MCF2L2: variants seen among roughly 807,000 people sequenced by gnomAD.
The protein encoded by MCF2L2 is MCF.2 cell line derived transforming sequence-like 2, also known as probable guanine nucleotide exchange factor MCF2L2.
In MCF2L2, 102 loss-of-function variants were observed where a neutral mutation model predicts 150.2. The ratio of observed to expected loss-of-function variants is 0.68; its 90% CI spans 0.58 to 0.80. The LOEUF (loss-of-function observed/expected upper bound fraction) is 0.80. MCF2L2 is among the 30% of genes least tolerant of loss of function. The pLI is 0.00. For missense variants in MCF2L2, 1,256 were observed against 1,372.8 expected (o/e 0.91, Z 1.34); for synonymous variants, 465 against 491.3 (o/e 0.95, Z 0.71).
intron 1 of MCF2L2, among the ~76,000 whole-genome samples, chr3:183,393,714 AAAT>A (rs1229730778): frequency 3.9e-5 from 6 of 152,340 alleles, no homozygotes; most frequent in South Asian, 4.1e-4. Flanking sequence ...TTACGCGATG[AAAT>A]AATAGTCCAG....
chr3:183,426,906 T>C (rs995188966), intron 1 of MCF2L2, among the ~76,000 whole-genome samples: 1 of 152,222 alleles, frequency 6.6e-6, no homozygotes, highest in African/African-American at 2.4e-5. Flanking sequence ...TCATTTGAGA[T>C]GTGCACGATT....
intron 14 of MCF2L2, among the ~76,000 whole-genome samples, chr3:183,285,811 C>T (rs1237454162): frequency 6.6e-6 from 1 of 152,098 alleles, no homozygotes; most frequent in Non-Finnish European, 1.5e-5. Context: ...ACTGCTAGCT[C>T]TTTCTTAATT....
intron 3 of MCF2L2, chr3:183,373,572 C>T (rs1424898284): frequency 1.3e-5 from 2 of 152,140 alleles, no homozygotes; most frequent in Non-Finnish European, 2.9e-5. Context: ...AATGTCTGTT[C>T]TGTCTCACCA....
intron 2 of MCF2L2, among the ~76,000 whole-genome samples, chr3:183,388,526 C>T (rs560727036): frequency 1.1e-3 from 163 of 152,194 alleles, no homozygotes; most frequent in Non-Finnish European, 2.0e-3. Flanking sequence ...CCACCGGCCT[C>T]GCAGAATAGA....
rs978818495 is a variant in MCF2L2 at position 183,267,203 on chromosome 3, A to G, written c.1862+9669T>C. ...TTCTTGCTCTTACTACTCTCAGTAC[A>G]CTCTGTATTTAAAAAAAAAAATGCT... On this transcript the variant is annotated intron_variant, in intron 15 of 29. Transcript: ENST00000328913. The surrounding 1 kb of genome is among the most constrained non-coding windows in gnomAD (Gnocchi z 5.5). 2.0e-5 allele frequency among the ~76,000 whole-genome samples: 3 copies of G among 151,424 alleles called. No individual in the cohort carries two copies. Among genetic ancestry groups the G allele is most frequent in the Admixed American group, 1.3e-4 (2 of 15,254 alleles).
At chr3:183,206,274 C>T in intron 23 of MCF2L2, 60 bp from the exon 24 acceptor site, 1 of 1,187,680 alleles carries the variant, frequency 8.4e-7, no homozygotes, top group South Asian at 1.2e-5. Flanking sequence ...TAAAATAGTC[C>T]CTGTCAATCA....
chr3:183,199,426 T>A (rs1722181496), intron 25 of MCF2L2, among the ~76,000 whole-genome samples: 1 of 151,948 alleles, frequency 6.6e-6, no homozygotes, highest in African/African-American at 2.4e-5. Flanking sequence ...CCACCAAATA[T>A]CCCTGCAAAC....
intron 10 of MCF2L2, among the ~76,000 whole-genome samples, chr3:183,301,451 C>T (rs1034269887): frequency 7.9e-5 from 12 of 152,156 alleles, no homozygotes; most frequent in African/African-American, 2.7e-4. Flanking sequence ...GTGAGACAGT[C>T]TCCCTGAGAA....
At chr3:183,298,559 G>A (rs1195231064) in intron 11 of MCF2L2, 2 of 152,008 alleles carry the variant, frequency 1.3e-5, no homozygotes, top group Non-Finnish European at 2.9e-5. Context: ...GGATATGTAC[G>A]TGCCCATGAG....
intron 15 of MCF2L2, among the ~76,000 whole-genome samples, chr3:183,264,808 A>C (rs1209580399): frequency 6.6e-6 from 1 of 152,230 alleles, no homozygotes; most frequent in Non-Finnish European, 1.5e-5. Context: ...TTTCCCAAAA[A>C]GTTTAAAGAG....
At chr3:183,198,204 A>T (rs903498396) in intron 25 of MCF2L2, among the ~76,000 whole-genome samples, 14 of 152,222 alleles carry the variant, frequency 9.2e-5, no homozygotes, top group African/African-American at 3.1e-4. Flanking sequence ...AAGTAAATGG[A>T]TAAAGAAAAC....
chr3:183,179,707 ACG>A lies in MCF2L2; in HGVS notation c.3106-17_3106-16del. ...AGGCCCGCGAGCTGGAAGGGAGGGGACGGGTGCACCCTCAGAGTTATTGCTGG... is the reference window on the plus strand; with the variant it reads ...AGGCCCGCGAGCTGGAAGGGAGGGGAGGTGCACCCTCAGAGTTATTGCTGG... On this transcript the variant is annotated splice_polypyrimidine_tract_variant and intron_variant, in intron 28 of 29. Coordinates refer to ENST00000328913, the MANE Select transcript of MCF2L2 (RefSeq NM_015078.4). This position sits in a 1 kb window ranked among gnomAD's most constrained non-coding sequence, Gnocchi z 4.2. The A allele has an allele frequency of 1.3e-6, 2 of 1,599,648 alleles. No homozygotes were observed. Among genetic ancestry groups the A allele is most frequent in the Non-Finnish European group, 1.7e-6 (2 of 1,167,172 alleles).
At chr3:183,414,156 ATTC>A in intron 1 of MCF2L2, among the ~76,000 whole-genome samples, 1 of 152,204 alleles carries the variant, frequency 6.6e-6, no homozygotes. Context: ...ATTGGTACGA[ATTC>A]TTCTTTAAAT....
At chr3:183,399,146 C>G (rs1714613396) in intron 1 of MCF2L2, among the ~76,000 whole-genome samples, 1 of 152,130 alleles carries the variant, frequency 6.6e-6, no homozygotes, top group Admixed American at 6.6e-5. Flanking sequence ...AACAAGTTGT[C>G]CTTCTCTAAG....
At chr3:183,348,528 C>T (rs1467365192) in intron 3 of MCF2L2, among the ~76,000 whole-genome samples, 2 of 151,950 alleles carry the variant, frequency 1.3e-5, no homozygotes, top group Non-Finnish European at 2.9e-5. Context: ...AACAAACCCG[C>T]TCATTCTGCA....
chr3:183,295,449 A>T lies in MCF2L2; in HGVS notation c.1526T>A (p.Leu509Gln). 1 of 1,614,098 alleles carries T rather than the reference A, an allele frequency of 6.2e-7. No homozygotes were observed. The highest frequency in any genetic ancestry group is 8.5e-7 in the Non-Finnish European group (1 of 1,179,998). Residue 509 changes from leucine to glutamine, a missense_variant, in exon 13 of 30, where the codon CTG becomes CAG. By Grantham distance (113) the Leu-to-Gln change is moderately radical. Transcript: ENST00000328913. ...GTGAAATATTTCCTGGACATCATCC[A>T]GCCTCTGCAAAACTTTCTGGGCTTT... is the stretch of plus-strand genomic sequence containing the variant. ...KAKAQKVLQR[L>Q]DDVQEIFHKR...
chr3:183,290,220 G>C (rs1728047232), intron 13 of MCF2L2, among the ~76,000 whole-genome samples: 1 of 152,132 alleles, frequency 6.6e-6, no homozygotes, highest in African/African-American at 2.4e-5. Context: ...TATTGTAAGA[G>C]GATGGCCATG....
chr3:183,321,437 CAA>C (rs754945400), intron 6 of MCF2L2, among the ~76,000 whole-genome samples: 21 of 87,156 alleles, frequency 2.4e-4, no homozygotes, highest in Non-Finnish European at 2.4e-4. Flanking sequence ...GACTCTGTCT[CAA>C]AAAAAAAAAA....
At chr3:183,326,289 C>T (rs112037792) in intron 5 of MCF2L2, among the ~76,000 whole-genome samples, 35,378 of 151,808 alleles carry the variant, frequency 0.23, 4,720 homozygotes, top group African/African-American at 0.36. Flanking sequence ...GTCAGGAGTT[C>T]GAGACTAGCC....
Sources: allele counts gnomAD v4.1 joint callset (sites outside exome capture counted in the v4.1 genomes callset), GRCh38; gene constraint gnomAD v4.1.1; non-coding constraint Gnocchi (gnomAD v3.1); transcripts MANE v1.5; gene names NCBI Gene and HGNC (gene_info 2026-07-23, HGNC 2026-07-21).